Variants in METTL16 observed in about 807,000 individuals in gnomAD.
METTL16 encodes the protein RNA N(6)-adenosine-methyltransferase METTL16.
A neutral mutation model predicts 57.9 loss-of-function variants in METTL16; 19 were observed. The observed-to-expected ratio is 0.33, with a 90% CI of 0.23 to 0.48. The LOEUF (loss-of-function observed/expected upper bound fraction) is 0.48. Among genes scored for constraint, METTL16 ranks in the 20% least tolerant of loss-of-function variants. The pLI, the probability that METTL16 is intolerant of heterozygous loss-of-function variation, is 0.99. For missense variants in METTL16, 434 were observed against 691.5 expected (o/e 0.63, Z 4.18); for synonymous variants, 246 against 255.6 (o/e 0.96, Z 0.36).
At chr17:2,468,714 C>G (rs924424229) in intron 4 of METTL16, among the ~76,000 whole-genome samples, 1 of 152,080 alleles carries the variant, frequency 6.6e-6, no homozygotes, top group Non-Finnish European at 1.5e-5. Context: ...GAACCTATCT[C>G]TACAAAAATT....
chr17:2,443,168 T>G (rs2151551265), intron 6 of METTL16, among the ~76,000 whole-genome samples: 1 of 151,770 alleles, frequency 6.6e-6, no homozygotes, highest in Non-Finnish European at 1.5e-5. Context: ...TTCTTTTGTA[T>G]TTTTAGTAGA....
At chr17:2,459,995 T>TC (rs1402757544) in intron 6 of METTL16, 1 of 151,960 alleles carries the variant, frequency 6.6e-6, no homozygotes, top group Non-Finnish European at 1.5e-5. Flanking sequence ...GAGCAAAAAC[T>TC]CCATCTCAGA....
intron 4 of METTL16, among the ~76,000 whole-genome samples, chr17:2,470,259 G>A (rs1271589200): frequency 6.6e-6 from 1 of 151,544 alleles, no homozygotes; most frequent in African/African-American, 2.4e-5. Context: ...CTATGTTTAG[G>A]GACTATTTTA....
intron 4 of METTL16, among the ~76,000 whole-genome samples, chr17:2,472,114 C>CA (rs753383514): frequency 9.6e-4 from 102 of 106,384 alleles, no homozygotes; most frequent in Middle Eastern, 4.9e-3. Flanking sequence ...AACTAAGTCT[C>CA]AAAAAAAAAA....
At chr17:2,496,770 G>A (rs1017925046) in intron 2 of METTL16, among the ~76,000 whole-genome samples, 2 of 151,450 alleles carry the variant, frequency 1.3e-5, no homozygotes, top group Non-Finnish European at 2.9e-5. Context: ...TAGGTCACGA[G>A]GGCTTTGCCC....
At position 2,416,379 on chromosome 17, in the gene METTL16, A is replaced by G. The variant is rs1393291953; in HGVS notation, c.*3591T>C. The G allele has an allele frequency of 6.6e-6, 1 of 152,220 alleles. No individual in the cohort carries two copies. The highest frequency in any genetic ancestry group is 2.4e-5 in the African/African-American group (1 of 41,458). The allele number at this position is 152,220 out of a possible 1,614,324, so 9.4% of individuals were successfully genotyped here. A position where few individuals can be genotyped will look rare whatever the true frequency, so the allele number is the denominator to read the frequency against. On this transcript the variant is annotated 3_prime_UTR_variant, in exon 10 of 10. Coordinates refer to ENST00000263092, the MANE Select transcript of METTL16 (RefSeq NM_024086.4). ...TCCTTGCAGTTTTGTTATTCCTGTC[A>G]CAACTTAGAAGTTCGAGTGCTCACA...
At chr17:2,454,016 T>C (rs1206148862) in intron 6 of METTL16, among the ~76,000 whole-genome samples, 3 of 152,216 alleles carry the variant, frequency 2.0e-5, no homozygotes, top group Non-Finnish European at 4.4e-5. Flanking sequence ...TCTTATTCAA[T>C]GGGTTATAAG....
chr17:2,479,152 G>A (rs959497527), intron 2 of METTL16, among the ~76,000 whole-genome samples: 3 of 151,696 alleles, frequency 2.0e-5, no homozygotes. Context: ...GTCTTTTTTG[G>A]TTTTTGTGGG....
chr17:2,490,338 G>A (rs1323861291), intron 2 of METTL16, among the ~76,000 whole-genome samples: 1 of 152,156 alleles, frequency 6.6e-6, no homozygotes, highest in Non-Finnish European at 1.5e-5. Context: ...CGCTTGGGGG[G>A]ATGTATTACA....
At chr17:2,447,993 G>GTGAGGGGCGCC (rs1597448508) in intron 6 of METTL16, among the ~76,000 whole-genome samples, 1 of 113,922 alleles carries the variant, frequency 8.8e-6, no homozygotes, top group East Asian at 2.8e-4. Context: ...CGTCCGGGAG[G>GTGAGGGGCGCC]TGAGGGGCGC....
At position 2,502,197 on chromosome 17, in the gene METTL16, T is replaced by C. The variant is rs201758426; in HGVS notation, c.128+7A>G. The C allele has an allele frequency of 1.9e-5, 30 of 1,612,814 alleles. No individual in the cohort carries two copies. In the East Asian group the frequency reaches 6.7e-4, roughly 36 times the overall value. Reference sequence around the variant, plus strand: ...AGAATAACAGTGATTTTTCATCCGTTACCTACCTCACTCTTCCATTCAGAT... The same window carrying C: ...AGAATAACAGTGATTTTTCATCCGTCACCTACCTCACTCTTCCATTCAGAT... On this transcript the variant is annotated splice_region_variant and intron_variant, in intron 2 of 9. Transcript: ENST00000263092.
intron 6 of METTL16, among the ~76,000 whole-genome samples, chr17:2,450,998 CA>C: frequency 6.6e-6 from 1 of 152,176 alleles, no homozygotes; most frequent in Non-Finnish European, 1.5e-5. Context: ...TTTTATAGGT[CA>C]AAAACTATTG....
At chr17:2,466,327 G>C (rs2067196188) in intron 5 of METTL16, among the ~76,000 whole-genome samples, 4 of 151,958 alleles carry the variant, frequency 2.6e-5, no homozygotes, top group African/African-American at 9.7e-5. Context: ...AATGGTTTAG[G>C]GAAGAAAAAA....
chr17:2,421,120 A>T (rs2066762542), intron 8 of METTL16, among the ~76,000 whole-genome samples: 1 of 152,206 alleles, frequency 6.6e-6, no homozygotes, highest in African/African-American at 2.4e-5. Context: ...TTGGGGGGCC[A>T]TGGCAGGAGC....
chr17:2,486,303 G>A (rs868601097), intron 2 of METTL16, among the ~76,000 whole-genome samples: 15 of 149,570 alleles, frequency 1.0e-4, no homozygotes, highest in Admixed American at 3.3e-4. Context: ...ACAGAGTCTC[G>A]CTCTGTCACC....
At chr17:2,484,869 A>G (rs1310505677) in intron 2 of METTL16, among the ~76,000 whole-genome samples, 1 of 152,106 alleles carries the variant, frequency 6.6e-6, no homozygotes, top group African/African-American at 2.4e-5. Context: ...TTTCAAACAA[A>G]ACCAGTGATC....
intron 1 of METTL16, among the ~76,000 whole-genome samples, chr17:2,502,940 AAAC>A (rs1400996558): frequency 9.9e-5 from 15 of 152,180 alleles, no homozygotes; most frequent in Middle Eastern, 3.2e-3. Context: ...AAAAAAACAG[AAAC>A]AACGAGTGTT....
chr17:2,473,735 A>G, intron 3 of METTL16, 71 bp from the exon 4 acceptor site: 1 of 1,478,042 alleles, frequency 6.8e-7, no homozygotes, highest in African/African-American at 1.4e-5. Flanking sequence ...TGAAAACACC[A>G]TTCTTCTCAG....
chr17:2,473,735 ATTC>A, intron 3 of METTL16, 71 bp from the exon 4 acceptor site: 1 of 1,478,042 alleles, frequency 6.8e-7, no homozygotes, highest in Non-Finnish European at 9.2e-7. Context: ...TGAAAACACC[ATTC>A]TTCTCAGAAT....
Sources: gnomAD v4.1 joint callset for allele counts (sites outside exome capture counted in the v4.1 genomes callset) on GRCh38, gnomAD v4.1.1 for gene constraint, MANE v1.5 for transcripts, NCBI Gene and HGNC (gene_info 2026-07-23, HGNC 2026-07-21) for gene names.